Variants in SGCZ observed in about 807,000 individuals in gnomAD.
SGCZ encodes zeta-sarcoglycan.
SGCZ carries 40 observed loss-of-function variants against 41.3 expected under a neutral mutation model. The observed-to-expected ratio is 0.97, with a 90% confidence interval of 0.75 to 1.26. SGCZ has a LOEUF of 1.26. SGCZ is among the 50% of genes most tolerant of loss of function. The pLI is 0.00. For missense variants in SGCZ, 552 were observed against 369.8 expected (o/e 1.49, Z -4.04); for synonymous variants, 206 against 137.5 (o/e 1.50, Z -3.49).
At chr8:15,133,018 C>A in intron 1 of SGCZ, among the ~76,000 whole-genome samples, 1 of 152,070 alleles carries the variant, frequency 6.6e-6, no homozygotes, top group Non-Finnish European at 1.5e-5. Flanking sequence ...TGGCGTGGGC[C>A]TGTAGTCCCA....
chr8:14,191,342 A>G (rs1364691021), intron 4 of SGCZ, among the ~76,000 whole-genome samples: 1 of 152,120 alleles, frequency 6.6e-6, no homozygotes, highest in Non-Finnish European at 1.5e-5. Context: ...TTAGTTTGAT[A>G]CAACCTCACT....
chr8:14,434,317 T>C (rs1800026480), intron 2 of SGCZ, among the ~76,000 whole-genome samples: 1 of 152,218 alleles, frequency 6.6e-6, no homozygotes, highest in Non-Finnish European at 1.5e-5. Context: ...TTCTGATCCA[T>C]TGGTCTATGT....
chr8:14,109,243 G>C (rs1400694240), intron 5 of SGCZ, among the ~76,000 whole-genome samples: 1 of 152,130 alleles, frequency 6.6e-6, no homozygotes, highest in Non-Finnish European at 1.5e-5. Flanking sequence ...TTCTCAGGAG[G>C]TTGAAGGATA....
chr8:14,810,933 C>G (rs911787857), intron 1 of SGCZ, among the ~76,000 whole-genome samples: 3 of 151,982 alleles, frequency 2.0e-5, no homozygotes, highest in African/African-American at 7.2e-5. Flanking sequence ...ATCCCCTTCA[C>G]TTGGAAAACA....
intron 1 of SGCZ, among the ~76,000 whole-genome samples, chr8:14,948,482 G>C (rs1438358529): frequency 6.6e-6 from 1 of 152,054 alleles, no homozygotes; most frequent in Non-Finnish European, 1.5e-5. Flanking sequence ...GAGAGAGAGA[G>C]AGAGAGAGAG....
chr8:14,924,916 G>A, intron 1 of SGCZ, among the ~76,000 whole-genome samples: 1 of 136,252 alleles, frequency 7.3e-6, no homozygotes, highest in African/African-American at 2.8e-5. Context: ...GGAGTGCAAT[G>A]TCGCCATCTC....
chr8:15,040,313 CT>C (rs1804045170), intron 1 of SGCZ, among the ~76,000 whole-genome samples: 2 of 152,092 alleles, frequency 1.3e-5, no homozygotes, highest in South Asian at 4.1e-4. Flanking sequence ...GTCCTATGGT[CT>C]TTTTAAAAAG....
intron 2 of SGCZ, among the ~76,000 whole-genome samples, chr8:14,544,166 T>G (rs1803554163): frequency 6.6e-6 from 1 of 152,286 alleles, no homozygotes; most frequent in Admixed American, 6.5e-5. Context: ...AATTTCATCT[T>G]AATATGGACA....
intron 5 of SGCZ, among the ~76,000 whole-genome samples, chr8:14,126,552 G>A (rs564058336): frequency 2.0e-5 from 3 of 152,306 alleles, no homozygotes; most frequent in Admixed American, 6.5e-5. Context: ...GAAAATTAGT[G>A]TAACAATTGT....
intron 1 of SGCZ, among the ~76,000 whole-genome samples, chr8:15,084,350 A>C (rs981846689): frequency 1.3e-5 from 2 of 152,242 alleles, no homozygotes; most frequent in African/African-American, 4.8e-5. Context: ...CACAGAGATT[A>C]TTGACTACAT....
chr8:14,510,463 T>C (rs911509297), intron 2 of SGCZ, among the ~76,000 whole-genome samples: 33 of 152,108 alleles, frequency 2.2e-4, no homozygotes, highest in African/African-American at 7.2e-4. Flanking sequence ...ACAAAGAAAC[T>C]TTCTGCTTTG....
At chr8:14,523,884 G>A (rs143754621) in intron 2 of SGCZ, among the ~76,000 whole-genome samples, 1 of 151,794 alleles carries the variant, frequency 6.6e-6, no homozygotes, top group African/African-American at 2.4e-5. Context: ...TCCCTACTCT[G>A]TTTTCTTTCT....
At chr8:14,823,283 A>T (rs1802176877) in intron 1 of SGCZ, among the ~76,000 whole-genome samples, 1 of 152,116 alleles carries the variant, frequency 6.6e-6, no homozygotes, top group Admixed American at 6.5e-5. Context: ...GTATTAACCA[A>T]GTGATGAGAC....
chr8:15,138,389 T>A (rs1441961521), intron 1 of SGCZ, among the ~76,000 whole-genome samples: 1 of 152,024 alleles, frequency 6.6e-6, no homozygotes, highest in Non-Finnish European at 1.5e-5. Flanking sequence ...AGGGCATGAT[T>A]GTGATTTGAA....
intron 1 of SGCZ, among the ~76,000 whole-genome samples, chr8:15,097,892 ATATATATATATATATATACGTGTG>A (rs1563124158): frequency 3.8e-4 from 5 of 13,298 alleles, no homozygotes; most frequent in African/African-American, 6.5e-4. Flanking sequence ...ACGTGTGTAT[ATATATATATATATATATACGTGTG>A]TATATATATA....
At position 14,090,255 on chromosome 8, in the gene SGCZ, ACAC is replaced by A. The variant is rs1801645569; in HGVS notation, c.*185_*187del. On this transcript the variant is annotated 3_prime_UTR_variant, in exon 8 of 8. Transcript: ENST00000382080. ...CGCTTTTTCCACTGCTGTGTCAATCACACCCTCTGTGTTGAGCAGTACAGTAAA... is the reference window on the plus strand; with the variant it reads ...CGCTTTTTCCACTGCTGTGTCAATCACCTCTGTGTTGAGCAGTACAGTAAA... The A allele has an allele frequency of 2.1e-6, 1 of 476,916 alleles. No individual in the cohort carries two copies. Among genetic ancestry groups the A allele is most frequent in the Non-Finnish European group, 3.5e-6 (1 of 282,798 alleles). 29.5% of individuals were successfully genotyped at this position (476,916 alleles called of 1,614,324 possible).
chr8:14,370,803 C>T (rs1377176882), intron 2 of SGCZ, among the ~76,000 whole-genome samples: 1 of 151,740 alleles, frequency 6.6e-6, no homozygotes, highest in African/African-American at 2.4e-5. Flanking sequence ...TCACTACAAT[C>T]ATTAATAAAA....
chr8:14,744,021 G>A lies in SGCZ; in HGVS notation c.40-189095C>T, dbSNP rs368426884. On this transcript the variant is annotated intron_variant, in intron 1 of 7. Transcript: ENST00000382080. ...TCTCTCCTACAGGTTTTGCATGCCTGAAGAAGAGGCTGAGCCCACAGTTAC... is the reference window on the plus strand; with the variant it reads ...TCTCTCCTACAGGTTTTGCATGCCTAAAGAAGAGGCTGAGCCCACAGTTAC... Among the ~76,000 whole-genome samples, 13 of 152,184 alleles carry A rather than the reference G, an allele frequency of 8.5e-5. No homozygotes were observed. The East Asian group carries it at 2.5e-3, about 29-fold the overall frequency.
At chr8:14,955,732 C>T (rs1184011646) in intron 1 of SGCZ, among the ~76,000 whole-genome samples, 1 of 151,826 alleles carries the variant, frequency 6.6e-6, no homozygotes, top group African/African-American at 2.4e-5. Context: ...TTTTCATTCA[C>T]AGAAGTTTTC....
Sources: gnomAD v4.1 joint callset for allele counts (sites outside exome capture counted in the v4.1 genomes callset) on GRCh38, gnomAD v4.1.1 for gene constraint, MANE v1.5 for transcripts, NCBI Gene and HGNC (gene_info 2026-07-23, HGNC 2026-07-21) for gene names.